MYO18B: variants seen among roughly 807,000 people sequenced by gnomAD.
MYO18B encodes the protein unconventional myosin-XVIIIb.
Under a neutral mutation model 273.0 loss-of-function variants are expected in MYO18B, and 204 were observed. The ratio of observed to expected loss-of-function variants is 0.75; its 90% CI spans 0.67 to 0.84. The LOEUF (loss-of-function observed/expected upper bound fraction) is 0.84. Ranked by LOEUF, MYO18B falls within the 40% of genes least tolerant of loss-of-function variation. The probability of loss-of-function intolerance (pLI) is 0.00; values close to 1 mark genes in which losing one functional copy is unlikely to be tolerated. For synonymous variants in MYO18B, 1,330 were observed against 1,305.7 expected (o/e 1.02, Z -0.40); for missense variants, 3,212 against 3,287.6 (o/e 0.98, Z 0.56).
At chr22:25,792,528 C>T (rs1415529760) in intron 11 of MYO18B, among the ~76,000 whole-genome samples, 1 of 110,254 alleles carries the variant, frequency 9.1e-6, no homozygotes, top group Non-Finnish European at 1.7e-5. Context: ...CAGAGTCTGG[C>T]TCTGTGCCCA....
intron 25 of MYO18B, among the ~76,000 whole-genome samples, chr22:25,884,015 T>A (rs975495433): frequency 6.6e-6 from 1 of 152,172 alleles, no homozygotes; most frequent in African/African-American, 2.4e-5. Context: ...TGGGGTGTTT[T>A]TCCACCCCTC....
chr22:26,025,542 C>T (rs1209934711), intron 42 of MYO18B, among the ~76,000 whole-genome samples: 1 of 152,202 alleles, frequency 6.6e-6, no homozygotes, highest in Non-Finnish European at 1.5e-5. Flanking sequence ...GGCCTGAGCC[C>T]ACAGTGGCTT....
At chr22:25,960,269 A>C (rs1035700452) in intron 39 of MYO18B, among the ~76,000 whole-genome samples, 1 of 152,170 alleles carries the variant, frequency 6.6e-6, no homozygotes, top group African/African-American at 2.4e-5. Context: ...AGAGCGATGA[A>C]GCAACTCATC....
chr22:26,001,644 T>C (rs1006064453), intron 40 of MYO18B, among the ~76,000 whole-genome samples: 11 of 152,194 alleles, frequency 7.2e-5, no homozygotes, highest in African/African-American at 2.4e-4. Context: ...AGGGAACCCA[T>C]TGATGTTGTC....
In MYO18B at chr22:25,818,469, G is replaced by A. The variant is rs528018483; in HGVS notation, c.2522-5036G>A. ...ACTTTACTGGGTCTGTTCTGCATTTGTGCACTGCCTCAGAGGGTTTTGGTG... is the reference window on the plus strand; with the variant it reads ...ACTTTACTGGGTCTGTTCTGCATTTATGCACTGCCTCAGAGGGTTTTGGTG... On this transcript the variant is annotated intron_variant, in intron 12 of 43. Coordinates refer to ENST00000335473, the MANE Select transcript of MYO18B (RefSeq NM_032608.7). Among the ~76,000 whole-genome samples, 5 of 152,178 alleles carry A rather than the reference G, an allele frequency of 3.3e-5. No individual in the cohort carries two copies. In the South Asian group the frequency reaches 1.0e-3, roughly 31 times the overall value.
intron 25 of MYO18B, among the ~76,000 whole-genome samples, chr22:25,888,381 C>T (rs535588341): frequency 6.6e-6 from 1 of 152,290 alleles, no homozygotes; most frequent in Admixed American, 6.5e-5. Context: ...CCTGCCTCAG[C>T]TTCCAGAGCA....
chr22:26,052,661 T>C, the MYO18B span, among the ~76,000 whole-genome samples: 2 of 152,166 alleles, frequency 1.3e-5, no homozygotes, highest in African/African-American at 4.8e-5. Flanking sequence ...GGCAGCTTGC[T>C]GAGTTTTTGA....
chr22:26,047,354 C>T, the MYO18B span, among the ~76,000 whole-genome samples: 14 of 152,254 alleles, frequency 9.2e-5, no homozygotes, highest in South Asian at 4.1e-4. Flanking sequence ...TCTCAATCTC[C>T]TGACCTCGTG....
At chr22:25,807,714 G>A (rs1259458863) in intron 12 of MYO18B, among the ~76,000 whole-genome samples, 1 of 152,146 alleles carries the variant, frequency 6.6e-6, no homozygotes, top group African/African-American at 2.4e-5. Flanking sequence ...TGTTCTGTTG[G>A]TAAGAATCGT....
chr22:25,972,118 A>C (rs1013009710), intron 39 of MYO18B, among the ~76,000 whole-genome samples: 2 of 151,450 alleles, frequency 1.3e-5, no homozygotes, highest in African/African-American at 4.8e-5. Flanking sequence ...GTCTCAAAAA[A>C]AAAAATACAT....
chr22:25,781,045 T>A (rs2087126850), intron 9 of MYO18B, among the ~76,000 whole-genome samples: 1 of 152,234 alleles, frequency 6.6e-6, no homozygotes, highest in Non-Finnish European at 1.5e-5. Flanking sequence ...GAAAACCCCT[T>A]CATGCCAAAT....
chr22:25,945,625 G>T (rs2146580993), intron 34 of MYO18B, among the ~76,000 whole-genome samples: 1 of 151,924 alleles, frequency 6.6e-6, no homozygotes, highest in African/African-American at 2.4e-5. Flanking sequence ...GCCTGGGAGG[G>T]GCTGGGCTGA....
At chr22:25,750,635 A>G (rs577896254) in intron 1 of MYO18B, among the ~76,000 whole-genome samples, 1 of 152,278 alleles carries the variant, frequency 6.6e-6, no homozygotes, top group East Asian at 1.9e-4. Context: ...TACACTCACC[A>G]ACCAGACTAT....
At chr22:25,996,768 G>A (rs1383791170) in intron 40 of MYO18B, among the ~76,000 whole-genome samples, 2 of 152,188 alleles carry the variant, frequency 1.3e-5, no homozygotes, top group African/African-American at 4.8e-5. Flanking sequence ...AAGGCCTGAA[G>A]AAAATGAGTA....
chr22:25,747,923 G>C (rs2085829716), intron 1 of MYO18B, among the ~76,000 whole-genome samples: 1 of 152,216 alleles, frequency 6.6e-6, no homozygotes, highest in South Asian at 2.1e-4. Context: ...TTTGACAACA[G>C]GCATAGTGAG....
At chr22:25,895,880 T>C (rs767138535) in intron 28 of MYO18B, among the ~76,000 whole-genome samples, 8 of 152,324 alleles carry the variant, frequency 5.3e-5, no homozygotes, top group Non-Finnish European at 1.0e-4. Context: ...AACAGGTTTC[T>C]GTGCTCCTCC....
the MYO18B span, among the ~76,000 whole-genome samples, chr22:26,054,909 A>G: frequency 6.6e-6 from 1 of 152,020 alleles, no homozygotes; most frequent in Non-Finnish European, 1.5e-5. Flanking sequence ...CTCATCTGGG[A>G]TCTTGAGGAT....
intron 21 of MYO18B, among the ~76,000 whole-genome samples, chr22:25,856,204 T>G (rs1319315424): frequency 6.6e-6 from 1 of 152,178 alleles, no homozygotes; most frequent in Non-Finnish European, 1.5e-5. Flanking sequence ...ATGTGTTATT[T>G]CTTGTTTTGT....
Position 25,902,618 on chromosome 22 carries a change from A to C in MYO18B, c.4829A>C (p.Asp1610Ala), listed in dbSNP as rs771380322. The part of the protein sequence containing the change: ...HELEKKQKKF[D>A]LQLAQALGES... ...ACGTGCTCTGCTTTGCACAGGTTTGACCTGCAGCTGGCCCAGGCCCTAGGT... is the reference window on the plus strand; with the variant it reads ...ACGTGCTCTGCTTTGCACAGGTTTGCCCTGCAGCTGGCCCAGGCCCTAGGT... Residue 1610 changes from aspartate to alanine, a missense_variant, in exon 30 of 44, where the codon GAC (aspartate) becomes GCC (alanine). Transcript: ENST00000335473. 6.2e-7 allele frequency: 1 copy of C among 1,606,910 alleles called. No homozygotes were observed. The highest frequency in any genetic ancestry group is 1.1e-5 in the South Asian group (1 of 89,080).
Sources: gnomAD v4.1 joint callset for allele counts (sites outside exome capture counted in the v4.1 genomes callset) on GRCh38, gnomAD v4.1.1 for gene constraint, MANE v1.5 for transcripts, NCBI Gene and HGNC (gene_info 2026-07-23, HGNC 2026-07-21) for gene names.